The following ARHGEF9 variants were observed in gnomAD, a reference collection of about 807,000 sequenced individuals.
ARHGEF9 encodes the protein Cdc42 guanine nucleotide exchange factor 9, also known as rho guanine nucleotide exchange factor 9.
ARHGEF9 carries 2 observed loss-of-function variants against 41.3 expected under a neutral mutation model. The ratio of observed to expected loss-of-function variants is 0.05; its 90% CI spans 0.02 to 0.15. The LOEUF (loss-of-function observed/expected upper bound fraction) is 0.15, where lower values mean the gene tolerates loss of function less well. ARHGEF9 is among the 10% of genes least tolerant of loss of function. The pLI is 1.00. For synonymous variants in ARHGEF9, 160 were observed against 154.4 expected, an observed-to-expected ratio of 1.04 and a Z score of -0.27; for missense variants, 225 against 424.7, an observed-to-expected ratio of 0.53 and a Z score of 4.13.
chrX:63,651,611 T>C (rs1355322476), intron 8 of ARHGEF9, among the ~76,000 whole-genome samples: 8 of 111,211 alleles, frequency 7.2e-5, no homozygotes, highest in African/African-American at 2.6e-4. Context: ...ACCAAAAATA[T>C]ATTTTTAATC....
chrX:63,642,443 T>A (rs2047697532), intron 9 of ARHGEF9: 1 of 111,895 alleles, frequency 8.9e-6, no homozygotes, highest in Non-Finnish European at 1.9e-5. Flanking sequence ...AACTCCCAAC[T>A]TTTTGGTGGC....
chrX:63,666,999 C>T (rs782466944), intron 6 of ARHGEF9, among the ~76,000 whole-genome samples: 5 of 111,574 alleles, frequency 4.5e-5, no homozygotes, highest in East Asian at 5.7e-4. Flanking sequence ...ATGGAGGAGA[C>T]GAATGCAGGT....
intron 5 of ARHGEF9, among the ~76,000 whole-genome samples, chrX:63,677,883 T>C (rs1247473113): frequency 8.9e-6 from 1 of 112,007 alleles, no homozygotes; most frequent in Admixed American, 9.4e-5. Flanking sequence ...TTAAGATGAA[T>C]TATGCCATAT....
At position 63,635,532 on chromosome X, in the gene ARHGEF9, C is replaced by T; in HGVS notation, c.*2496G>A. ...GGGCTCCCCTTGGGGCTGTTGGCCA[C>T]TGGTCTGCTTTGATGCTATAGGCTG... On this transcript the variant is annotated 3_prime_UTR_variant, in exon 10 of 10. Coordinates refer to ENST00000671741, the MANE Select transcript of ARHGEF9 (RefSeq NM_001353921.2). 6.2e-6 allele frequency: 3 copies of T among 484,625 alleles called. No homozygotes were observed. The highest frequency in any genetic ancestry group is 1.1e-5 in the Non-Finnish European group (3 of 272,598). The allele number at this position is 484,625 out of a possible 1,213,427, so 39.9% of individuals were successfully genotyped here. A position where few individuals can be genotyped will look rare whatever the true frequency, so the allele number is the denominator to read the frequency against.
chrX:63,756,629 C>A (rs1485636062), intron 1 of ARHGEF9, among the ~76,000 whole-genome samples: 1 of 112,441 alleles, frequency 8.9e-6, no homozygotes, highest in East Asian at 2.8e-4. Flanking sequence ...AATACTGTTT[C>A]ATGATGCTTT....
At chrX:63,696,017 G>C (rs2051722967) in intron 4 of ARHGEF9, among the ~76,000 whole-genome samples, 1 of 111,609 alleles carries the variant, frequency 9.0e-6, no homozygotes, top group Non-Finnish European at 1.9e-5. Flanking sequence ...TTTGCCCTGT[G>C]TGCCTTTTCC....
intron 1 of ARHGEF9, among the ~76,000 whole-genome samples, chrX:63,765,509 T>C (rs1556451426): frequency 9.0e-6 from 1 of 111,394 alleles, no homozygotes; most frequent in African/African-American, 3.3e-5. Flanking sequence ...TTCATAAGCA[T>C]TATCTGATTT....
intron 2 of ARHGEF9, among the ~76,000 whole-genome samples, chrX:63,707,587 C>A (rs1298777622): frequency 9.0e-6 from 1 of 110,730 alleles, no homozygotes; most frequent in Admixed American, 9.6e-5. Flanking sequence ...AAAGAGCTTG[C>A]CAGTTGTCTC....
chrX:63,708,777 A>G (rs1232211857), intron 2 of ARHGEF9, among the ~76,000 whole-genome samples: 3 of 112,341 alleles, frequency 2.7e-5, no homozygotes, highest in Admixed American at 9.4e-5. Flanking sequence ...TGTGCCAGGT[A>G]TTAGGGATAC....
chrX:63,767,592 TA>T (rs2056133072), intron 1 of ARHGEF9, among the ~76,000 whole-genome samples: 1 of 112,108 alleles, frequency 8.9e-6, no homozygotes, highest in African/African-American at 3.2e-5. Context: ...GTTCTTTAGT[TA>T]AAAAAAGAAG....
intron 9 of ARHGEF9, chrX:63,641,907 G>C (rs1441281717): frequency 3.6e-5 from 4 of 111,525 alleles, no homozygotes; most frequent in African/African-American, 9.8e-5. Context: ...AGAAACACTA[G>C]ACTGGCTTAG....
chrX:63,692,349 A>G (rs1372294889), intron 4 of ARHGEF9, among the ~76,000 whole-genome samples: 3 of 112,375 alleles, frequency 2.7e-5, no homozygotes, highest in African/African-American at 9.7e-5. Flanking sequence ...AGTGACTCAA[A>G]CAACTCAATA....
chrX:63,686,918 T>C (rs1231739458), intron 4 of ARHGEF9, among the ~76,000 whole-genome samples: 1 of 110,676 alleles, frequency 9.0e-6, no homozygotes, highest in African/African-American at 3.3e-5. Flanking sequence ...CCTATAATAC[T>C]GGAAAAAATA....
chrX:63,710,318 A>T (rs1321998601), intron 2 of ARHGEF9, among the ~76,000 whole-genome samples: 2 of 107,827 alleles, frequency 1.9e-5, no homozygotes, highest in South Asian at 8.0e-4. Flanking sequence ...AAAAAAAAAA[A>T]AACCTCAGGA....
At chrX:63,669,027 T>A in intron 6 of ARHGEF9, among the ~76,000 whole-genome samples, 1 of 112,231 alleles carries the variant, frequency 8.9e-6, no homozygotes, top group Non-Finnish European at 1.9e-5. Flanking sequence ...CACTCTTGAG[T>A]TAGAAACTAG....
At chrX:63,780,777 C>T (rs1383717371) in intron 1 of ARHGEF9, among the ~76,000 whole-genome samples, 2 of 111,579 alleles carry the variant, frequency 1.8e-5, no homozygotes, top group Non-Finnish European at 3.8e-5. Flanking sequence ...TCAGAGAGCT[C>T]CCAGTTGCAT....
intron 5 of ARHGEF9, among the ~76,000 whole-genome samples, 198 bp from the exon 6 acceptor site, chrX:63,674,365 C>A (rs1303328613): frequency 2.7e-5 from 3 of 111,982 alleles, no homozygotes; most frequent in African/African-American, 9.7e-5. Flanking sequence ...AAGTTTTGTA[C>A]ACTGATATGT....
chrX:63,749,965 C>A (rs1556438831), intron 1 of ARHGEF9, among the ~76,000 whole-genome samples: 1 of 112,151 alleles, frequency 8.9e-6, no homozygotes, highest in Non-Finnish European at 1.9e-5. Context: ...ATCAAGGATT[C>A]TTGGAAAGCC....
At chrX:63,766,916 C>A in intron 1 of ARHGEF9, 2 of 418,876 alleles carry the variant, frequency 4.8e-6, no homozygotes, top group East Asian at 4.6e-5. Context: ...CACCAAACTG[C>A]AGGAAAGGAA....
Sources: allele counts gnomAD v4.1 joint callset (sites outside exome capture counted in the v4.1 genomes callset), GRCh38; gene constraint gnomAD v4.1.1; transcripts MANE v1.5; gene names NCBI Gene and HGNC (gene_info 2026-07-23, HGNC 2026-07-21).